FNBP1: variants seen among roughly 807,000 people sequenced by gnomAD.
FNBP1 encodes the protein formin binding protein 1.
Under a neutral mutation model 90.6 loss-of-function variants are expected in FNBP1, and 26 were observed. The observed-to-expected ratio is 0.29, with a 90% CI of 0.21 to 0.40. The LOEUF is 0.40. Among genes scored for constraint, FNBP1 ranks in the 10% least tolerant of loss-of-function variants. The pLI is 1.00. For synonymous variants in FNBP1, 260 were observed against 265.2 expected (o/e 0.98, Z 0.19); for missense variants, 635 against 768.0 (o/e 0.83, Z 2.05).
At chr9:129,935,518 C>T (rs377246947) in intron 6 of FNBP1, among the ~76,000 whole-genome samples, 2 of 151,556 alleles carry the variant, frequency 1.3e-5, no homozygotes, top group African/African-American at 4.9e-5. Flanking sequence ...GATGGAGTCT[C>T]ACTCTGTTGC....
rs1416526918 is a variant in FNBP1 at position 129,990,181 on chromosome 9, A to T, written c.140+4662T>A. Among the ~76,000 whole-genome samples, 10 of 152,346 alleles carry T rather than the reference A, an allele frequency of 6.6e-5. 1 individual carries two copies. The East Asian group carries it at 1.7e-3, about 26-fold the overall frequency. ...TTCTGCAGCGTATACATATTTCAAG[A>T]CATCATGTATACCATAAATATATAC... On this transcript the variant is annotated intron_variant, in intron 2 of 16. Coordinates refer to ENST00000446176, the MANE Select transcript of FNBP1 (RefSeq NM_015033.3).
chr9:130,034,015 C>CA (rs369731296), intron 1 of FNBP1, among the ~76,000 whole-genome samples: 6,289 of 102,120 alleles, frequency 0.062, 200 homozygotes, highest in African/African-American at 0.12. Flanking sequence ...GACTCTGTCT[C>CA]AAAAAAAAAA....
intron 4 of FNBP1, among the ~76,000 whole-genome samples, chr9:129,973,658 G>A (rs1458024651): frequency 6.0e-5 from 9 of 149,414 alleles, no homozygotes; most frequent in Admixed American, 4.0e-4. Flanking sequence ...CCGCCACCAT[G>A]CCCGGCTAAT....
At chr9:129,979,529 T>G (rs1003118290) in intron 2 of FNBP1, among the ~76,000 whole-genome samples, 155 bp from the exon 3 acceptor site, 11 of 152,248 alleles carry the variant, frequency 7.2e-5, no homozygotes, top group Non-Finnish European at 1.5e-4. Flanking sequence ...ACATGTGTGA[T>G]GAAGCTACTG....
chr9:129,991,421 C>T (rs148640424), intron 2 of FNBP1, among the ~76,000 whole-genome samples: 1,870 of 151,950 alleles, frequency 0.012, 16 homozygotes, highest in Middle Eastern at 0.02. Flanking sequence ...CAGGTGTGCG[C>T]CACCATGCCT....
rs1564242495 is a variant in FNBP1, at chr9:129,892,401, AC to A, written c.1847-1856del. 7.8e-4 allele frequency among the ~76,000 whole-genome samples: 115 copies of A among 147,228 alleles called. 1 individual carries two copies. Among genetic ancestry groups the A allele is most frequent in the South Asian group, 5.6e-3 (25 of 4,498 alleles). ...CACACACACACACACACACACACAC[AC>A]ACACACACACACACAAAAAGGTTGA... is the stretch of plus-strand genomic sequence containing the variant. On this transcript the variant is annotated intron_variant, in intron 16 of 16. Coordinates refer to ENST00000446176, the MANE Select transcript of FNBP1 (RefSeq NM_015033.3).
At chr9:129,991,682 T>C (rs2053188502) in intron 2 of FNBP1, among the ~76,000 whole-genome samples, 1 of 150,860 alleles carries the variant, frequency 6.6e-6, no homozygotes, top group Non-Finnish European at 1.5e-5. Flanking sequence ...TTCTTTGAGA[T>C]GGCGTCTCAC....
intron 10 of FNBP1, 72 bp downstream of exon 10, chr9:129,923,772 A>C: frequency 2.1e-6 from 3 of 1,433,738 alleles, no homozygotes; most frequent in East Asian, 2.9e-5. Context: ...ATTCACAAAC[A>C]AAATTAGTTA....
At chr9:129,928,875 G>C (rs2042305072) in intron 7 of FNBP1, among the ~76,000 whole-genome samples, 2 of 152,056 alleles carry the variant, frequency 1.3e-5, no homozygotes, top group South Asian at 4.1e-4. Flanking sequence ...AGAACTGTTT[G>C]AGTCCAGGAA....
chr9:129,935,618 GCT>G (rs2043315496), intron 6 of FNBP1, among the ~76,000 whole-genome samples: 2 of 152,138 alleles, frequency 1.3e-5, no homozygotes, highest in African/African-American at 4.8e-5. Context: ...CTCCTGAGTA[GCT>G]GGGACTACAG....
intron 1 of FNBP1, among the ~76,000 whole-genome samples, chr9:130,026,174 C>T (rs564845019): frequency 3.0e-4 from 45 of 152,224 alleles, no homozygotes; most frequent in Admixed American, 1.3e-3. Flanking sequence ...ATATGACACA[C>T]TGACTAAATT....
intron 6 of FNBP1, among the ~76,000 whole-genome samples, chr9:129,944,977 A>G (rs1175854810): frequency 6.6e-6 from 1 of 151,038 alleles, no homozygotes; most frequent in African/African-American, 2.4e-5. Flanking sequence ...TTGAAGCTAA[A>G]CACACACACA....
At chr9:129,920,929 C>T (rs1001984996) in intron 10 of FNBP1, among the ~76,000 whole-genome samples, 4 of 152,184 alleles carry the variant, frequency 2.6e-5, no homozygotes, top group African/African-American at 4.8e-5. Flanking sequence ...CTTGGATTAA[C>T]AATGAGTGGA....
intron 4 of FNBP1, among the ~76,000 whole-genome samples, chr9:129,969,122 T>C (rs1478472027): frequency 2.0e-5 from 3 of 152,190 alleles, no homozygotes; most frequent in South Asian, 4.1e-4. Flanking sequence ...GTAGTTCTTA[T>C]GGAGGAATAT....
intron 4 of FNBP1, among the ~76,000 whole-genome samples, chr9:129,968,197 C>T (rs145978725): frequency 0.049 from 7,461 of 152,042 alleles, 213 homozygotes; most frequent in South Asian, 0.14. Context: ...GAGTTTGAGA[C>T]CAGCCTAGTC....
At chr9:129,987,339 C>G (rs1393087204) in intron 2 of FNBP1, among the ~76,000 whole-genome samples, 1 of 151,856 alleles carries the variant, frequency 6.6e-6, no homozygotes, top group Non-Finnish European at 1.5e-5. Flanking sequence ...AATATAGAAC[C>G]ACGACAAATC....
At chr9:130,021,741 C>T (rs527472249) in intron 1 of FNBP1, among the ~76,000 whole-genome samples, 1 of 152,202 alleles carries the variant, frequency 6.6e-6, no homozygotes, top group Non-Finnish European at 1.5e-5. Context: ...TCCCGCTGAA[C>T]CGTTAAAGAT....
chr9:129,965,726 A>ACACG (rs1335318262), intron 4 of FNBP1, among the ~76,000 whole-genome samples: 8 of 147,784 alleles, frequency 5.4e-5, no homozygotes, highest in African/African-American at 1.7e-4. Context: ...ACACACACAT[A>ACACG]GAAAGAAAAA....
At chr9:130,010,164 C>G (rs2056357148) in intron 1 of FNBP1, among the ~76,000 whole-genome samples, 1 of 152,144 alleles carries the variant, frequency 6.6e-6, no homozygotes, top group Admixed American at 6.6e-5. Flanking sequence ...TGAGACTGGC[C>G]TGTTCATCCA....
Sources: gnomAD v4.1 joint callset for allele counts (sites outside exome capture counted in the v4.1 genomes callset) on GRCh38, gnomAD v4.1.1 for gene constraint, MANE v1.5 for transcripts, NCBI Gene and HGNC (gene_info 2026-07-23, HGNC 2026-07-21) for gene names.